The following SLC12A4 variants were observed in gnomAD, a reference collection of about 807,000 sequenced individuals.
SLC12A4 encodes the protein solute carrier family 12 member 4, also known as electroneutral potassium-chloride cotransporter 1.
Under a neutral mutation model 119.2 loss-of-function variants are expected in SLC12A4, and 84 were observed. The ratio of observed to expected loss-of-function variants is 0.70; its 90% CI spans 0.59 to 0.85. The LOEUF is 0.85. SLC12A4 is among the 40% of genes least tolerant of loss of function. The probability of loss-of-function intolerance (pLI) is 0.00; values close to 1 mark genes in which losing one functional copy is unlikely to be tolerated. For synonymous variants in SLC12A4, 599 were observed against 604.6 expected (o/e 0.99, Z 0.14); for missense variants, 1,298 against 1,476.3 (o/e 0.88, Z 1.98).
Position 67,952,034 on chromosome 16 carries a change from T to C in SLC12A4, c.921A>G (p.Val307=). 1 of 1,613,624 alleles carries C rather than the reference T, an allele frequency of 6.2e-7. No individual in the cohort carries two copies. The highest frequency in any genetic ancestry group is 8.5e-7 in the Non-Finnish European group (1 of 1,179,802). The part of the protein sequence containing the change: ...KSIFDPPVFP[V]CMLGNRTLSR... ...ACAGGGTCCTGTTGCCCAGCATGCA[T>C]ACCCTGTGAGGGACAGAAGCACCGG... Residue 307 remains valine, a synonymous_variant, in exon 8 of 24, where the codon GTA becomes GTG. Transcript: ENST00000316341.
At chr16:67,952,581 T>C (rs142948811) in intron 6 of SLC12A4, among the ~76,000 whole-genome samples, 156 bp from the exon 7 acceptor site, 2 of 150,704 alleles carry the variant, frequency 1.3e-5, no homozygotes, top group Non-Finnish European at 3.0e-5. Context: ...GGGGGATCAC[T>C]TGAGGTCAGG....
intron 13 of SLC12A4, 136 bp from the exon 14 acceptor site, chr16:67,948,295 T>C (rs945931647): frequency 5.9e-5 from 42 of 715,364 alleles, no homozygotes; most frequent in Middle Eastern, 3.8e-4. Context: ...CTCAACCTCA[T>C]TGCTGCCACC....
At chr16:67,952,655 G>T (rs1345459672) in intron 6 of SLC12A4, among the ~76,000 whole-genome samples, 1 of 151,522 alleles carries the variant, frequency 6.6e-6, no homozygotes, top group African/African-American at 2.4e-5. Flanking sequence ...GCCGGGCGTG[G>T]TGGCACGTGC....
chr16:67,957,563 G>T, intron 5 of SLC12A4, 179 bp downstream of exon 5: 2 of 639,382 alleles, frequency 3.1e-6, no homozygotes, highest in South Asian at 2.0e-5. Context: ...AACCACAATG[G>T]CACTCTCCAA....
At chr16:67,963,601 C>CTGGG in intron 1 of SLC12A4, 42 bp from the exon 2 acceptor site, 1 of 1,435,440 alleles carries the variant, frequency 7.0e-7, no homozygotes, top group Non-Finnish European at 9.5e-7. Flanking sequence ...TTCCTGAGCC[C>CTGGG]CCCAGCCTGG....
At chr16:67,963,581 C>A in intron 1 of SLC12A4, 22 bp from the exon 2 acceptor site, 2 of 1,520,696 alleles carry the variant, frequency 1.3e-6, no homozygotes, top group South Asian at 1.3e-5. Context: ...GAGGGACAAT[C>A]AGGGCCTGCT....
intron 5 of SLC12A4, 71 bp downstream of exon 5, chr16:67,957,671 G>T (rs1486190454): frequency 1.9e-6 from 3 of 1,579,190 alleles, no homozygotes; most frequent in South Asian, 2.3e-5. Flanking sequence ...TGCTATGGGG[G>T]TTCCCAGGTA....
At chr16:67,956,179 T>C (rs1300160758) in intron 5 of SLC12A4, among the ~76,000 whole-genome samples, 1 of 151,414 alleles carries the variant, frequency 6.6e-6, no homozygotes, top group Non-Finnish European at 1.5e-5. Context: ...TCAAAATAAA[T>C]AAATAAATAA....
chr16:67,953,694 T>G (rs1223154730), intron 6 of SLC12A4, among the ~76,000 whole-genome samples: 3 of 152,316 alleles, frequency 2.0e-5, no homozygotes, highest in Middle Eastern at 3.4e-3. Flanking sequence ...AAATTATATG[T>G]TAATAAAGCT....
At position 67,964,213 on chromosome 16, in the gene SLC12A4, A is replaced by T. The variant is rs1024728083; in HGVS notation, c.116-654T>A. 1.0e-5 allele frequency: 10 copies of T among 974,720 alleles called. No individual in the cohort carries two copies. The African/African-American group carries it at 1.5e-4, about 14-fold the overall frequency. 60.4% of individuals were successfully genotyped at this position (974,720 alleles called of 1,614,324 possible). A position where few individuals can be genotyped will look rare whatever the true frequency, so the allele number is the denominator to read the frequency against. ...GGGTGTCGGACTGAGCAGGGAGAAA[A>T]ATGGGAGCTGGGACTGCTGGCAGGA... On this transcript the variant is annotated intron_variant, in intron 1 of 23. Coordinates refer to ENST00000316341, the MANE Select transcript of SLC12A4 (RefSeq NM_005072.5).
rs1343302562 is a variant in SLC12A4, at chr16:67,954,705, A to G, written c.613T>C (p.Phe205Leu). 8 of 1,614,088 alleles carry G rather than the reference A, an allele frequency of 5.0e-6. No individual in the cohort carries two copies. The Admixed American group carries it at 5.0e-5, about 10-fold the overall frequency. Residue 205 changes from phenylalanine to leucine, a missense_variant, in exon 6 of 24, where the codon TTC becomes CTC. Coordinates refer to ENST00000316341, the MANE Select transcript of SLC12A4 (RefSeq NM_005072.5). The stretch of plus-strand genomic sequence containing the variant: ...GCTGCGAATGTTGTTCCCAGGTAGA[A>G]GCACAGGCCCACAGCACCTCCAAAT... ...PEFGGAVGLCFYLGTTFAAAM... is the reference protein window; with the variant it reads ...PEFGGAVGLCLYLGTTFAAAM...
chr16:67,957,595 C>T (rs2030337621), intron 5 of SLC12A4, 147 bp downstream of exon 5: 2 of 810,922 alleles, frequency 2.5e-6, no homozygotes, highest in African/African-American at 3.4e-5. Context: ...AGGAAAGCTC[C>T]TACGTGGGCA....
chr16:67,944,156 TGTGGGA>T lies in SLC12A4; in HGVS notation c.*678_*683del. 1.3e-6 allele frequency: 2 copies of T among 1,525,908 alleles called. No individual in the cohort carries two copies. The highest frequency in any genetic ancestry group is 1.8e-6 in the Non-Finnish European group (2 of 1,129,960). 94.5% of individuals were successfully genotyped at this position (1,525,908 alleles called of 1,614,324 possible). On this transcript the variant is annotated 3_prime_UTR_variant, in exon 24 of 24. Coordinates refer to ENST00000316341, the MANE Select transcript of SLC12A4 (RefSeq NM_005072.5). This position sits in a 1 kb window ranked among gnomAD's most constrained non-coding sequence, Gnocchi z 6.6. ...GCGGCACTGGGCTGTCCTTATCTGGTGTGGGAGTGGGAGGGGCCCTAGGGCCAGTGG... is the reference window on the plus strand; with the variant it reads ...GCGGCACTGGGCTGTCCTTATCTGGTGTGGGAGGGGCCCTAGGGCCAGTGG...
chr16:67,949,528 G>A lies in SLC12A4; in HGVS notation c.1748+272C>T, dbSNP rs754147508. 19 of 339,692 alleles carry A rather than the reference G, an allele frequency of 5.6e-5. No homozygotes were observed. The highest frequency in any genetic ancestry group is 2.0e-4 in the African/African-American group (9 of 45,744). 21.0% of individuals were successfully genotyped at this position (339,692 alleles called of 1,614,324 possible). A position where few individuals can be genotyped will look rare whatever the true frequency, so the allele number is the denominator to read the frequency against. On this transcript the variant is annotated intron_variant, in intron 13 of 23. Transcript: ENST00000316341. This position sits in a 1 kb window ranked among gnomAD's most constrained non-coding sequence, Gnocchi z 4.6. Reference sequence around the variant, plus strand: ...GTGGCTTCATGGAGGCATGAGGGACGCGGTGGTTGCCCTGTCCAGTGGGAA... The same window carrying A: ...GTGGCTTCATGGAGGCATGAGGGACACGGTGGTTGCCCTGTCCAGTGGGAA...
chr16:67,948,030 C>G (rs762205067), intron 14 of SLC12A4, 31 bp downstream of exon 14: 1 of 1,607,060 alleles, frequency 6.2e-7, no homozygotes, highest in South Asian at 1.1e-5. Flanking sequence ...CTGGCCTCCC[C>G]AGGGTCTCCC....
chr16:67,967,512 C>T (rs575739230), intron 1 of SLC12A4, among the ~76,000 whole-genome samples: 5 of 152,312 alleles, frequency 3.3e-5, no homozygotes, highest in South Asian at 2.1e-4. Context: ...TATGCCACTA[C>T]GTACACAGAC....
chr16:67,962,864 G>A (rs2030656572), intron 2 of SLC12A4: 1 of 152,228 alleles, frequency 6.6e-6, no homozygotes, highest in African/African-American at 2.4e-5. Flanking sequence ...AAAAAAGGCA[G>A]ATTAAGGAGT....
rs763922182 is a variant in SLC12A4 at position 67,950,433 on chromosome 16, C to G, written c.1515G>C (p.Trp505Cys). Residue 505 changes from tryptophan (W) to cysteine (C), a missense_variant, in exon 12 of 24, where the codon TGG becomes TGC. Physicochemically the swap from Trp to Cys is radical, Grantham distance 215 (BLOSUM62 -2). Transcript: ENST00000316341. The surrounding 1 kb of genome is among the most constrained non-coding windows in gnomAD (Gnocchi z 4.3). ...VVGTLAWPSP[W>C]VIVIGSFFST... ...AAAAGAAGGAGCCGATGACGATGAC[C>G]CAGGGTGAAGGCCAGGCCAGTGTGC... The G allele has an allele frequency of 6.2e-7, 1 of 1,614,010 alleles. No homozygotes were observed. The highest frequency in any genetic ancestry group is 8.5e-7 in the Non-Finnish European group (1 of 1,180,024).
Position 67,951,647 on chromosome 16 carries a change from G to A in SLC12A4, c.1132+176C>T. ...GCAGGCCTTGGACGCTGGCCAGACA[G>A]GCTCCACTCACTCCAAACTCGGCTG... On this transcript the variant is annotated intron_variant, in intron 8 of 23. Transcript: ENST00000316341. This position sits in a 1 kb window ranked among gnomAD's most constrained non-coding sequence, Gnocchi z 5.2. 1 of 645,972 alleles carries A rather than the reference G, an allele frequency of 1.5e-6. No individual in the cohort carries two copies. The highest frequency in any genetic ancestry group is 1.9e-5 in the South Asian group (1 of 51,992). 40.0% of individuals were successfully genotyped at this position (645,972 alleles called of 1,614,324 possible).
Sources: gnomAD v4.1 joint callset for allele counts (sites outside exome capture counted in the v4.1 genomes callset) on GRCh38, gnomAD v4.1.1 for gene constraint, Gnocchi (gnomAD v3.1) non-coding constraint, MANE v1.5 for transcripts, NCBI Gene and HGNC (gene_info 2026-07-23, HGNC 2026-07-21) for gene names.